The following CDH9 variants were observed in gnomAD, a reference collection of about 807,000 sequenced individuals.
CDH9 encodes the protein cadherin 9, also known as cadherin-9.
Under a neutral mutation model 70.9 loss-of-function variants are expected in CDH9, and 28 were observed. The ratio of observed to expected loss-of-function variants is 0.40; its 90% confidence interval spans 0.29 to 0.54. The LOEUF (loss-of-function observed/expected upper bound fraction) is 0.54. Among genes scored for constraint, CDH9 ranks in the 20% least tolerant of loss-of-function variants. The pLI, the probability that CDH9 is intolerant of heterozygous loss-of-function variation, is 0.59. For missense variants in CDH9, 874 were observed against 984.4 expected (o/e 0.89, Z 1.50); for synonymous variants, 409 against 343.1 (o/e 1.19, Z -2.12).
intron 8 of CDH9, 113 bp from the exon 9 acceptor site, chr5:26,890,070 T>C: frequency 2.2e-6 from 2 of 922,162 alleles, no homozygotes; most frequent in Non-Finnish European, 3.4e-6. Context: ...CTTTCTCAAT[T>C]GGGCTGCTGA....
intron 2 of CDH9, among the ~76,000 whole-genome samples, chr5:26,939,276 T>C (rs1251370591): frequency 1.3e-5 from 2 of 151,814 alleles, no homozygotes; most frequent in Non-Finnish European, 2.9e-5. Context: ...TTAATATATG[T>C]ATCAACTAGT....
chr5:26,921,293 T>C (rs1741239340), intron 2 of CDH9, among the ~76,000 whole-genome samples: 1 of 151,962 alleles, frequency 6.6e-6, no homozygotes, highest in South Asian at 2.1e-4. Context: ...TGTCAGAATA[T>C]AGCTTATAAG....
chr5:27,013,458 C>T lies in CDH9; in HGVS notation c.-50+25005G>A, dbSNP rs534089906. 7.2e-5 allele frequency among the ~76,000 whole-genome samples: 11 copies of T among 152,024 alleles called. No individual in the cohort carries two copies. In the South Asian group the frequency reaches 1.0e-3, roughly 14 times the overall value. On this transcript the variant is annotated intron_variant, in intron 1 of 11. Coordinates refer to ENST00000231021, the MANE Select transcript of CDH9 (RefSeq NM_016279.4). Reference sequence around the variant, plus strand: ...AAACAACCCTAGGTCTCCCTCTTTCCGAACATAGGATGAGGCTTCACCAGC... The same window carrying T: ...AAACAACCCTAGGTCTCCCTCTTTCTGAACATAGGATGAGGCTTCACCAGC...
At chr5:26,970,944 C>T (rs1673454835) in intron 2 of CDH9, among the ~76,000 whole-genome samples, 1 of 152,048 alleles carries the variant, frequency 6.6e-6, no homozygotes, top group South Asian at 2.1e-4. Context: ...ACTCTCATTT[C>T]CTCTAAATTT....
At chr5:26,907,256 T>G (rs1160024623) in intron 3 of CDH9, among the ~76,000 whole-genome samples, 1 of 152,052 alleles carries the variant, frequency 6.6e-6, no homozygotes. Flanking sequence ...TGCTTTTTAT[T>G]CTGGTATATT....
intron 1 of CDH9, among the ~76,000 whole-genome samples, chr5:27,018,993 T>G (rs1186830157): frequency 1.3e-5 from 2 of 152,018 alleles, no homozygotes; most frequent in Non-Finnish European, 2.9e-5. Context: ...TTATTATTAC[T>G]ATATTATTAT....
chr5:26,933,997 T>G (rs1408010903), intron 2 of CDH9, among the ~76,000 whole-genome samples: 4 of 152,152 alleles, frequency 2.6e-5, no homozygotes, highest in African/African-American at 9.6e-5. Flanking sequence ...TCAAAGTTCT[T>G]CAGGTTGTAT....
At chr5:26,925,393 G>A (rs999511277) in intron 2 of CDH9, among the ~76,000 whole-genome samples, 1 of 152,066 alleles carries the variant, frequency 6.6e-6, no homozygotes, top group African/African-American at 2.4e-5. Flanking sequence ...TTCTGATGGG[G>A]TTGTTTGTTT....
At chr5:26,893,519 G>A (rs1049019066) in intron 7 of CDH9, among the ~76,000 whole-genome samples, 6 of 151,928 alleles carry the variant, frequency 3.9e-5, no homozygotes, top group African/African-American at 1.5e-4. Flanking sequence ...TTTTCACATG[G>A]TGTTATGAAA....
At chr5:26,883,067 ATATATATATATATATATATATATATAT>A in intron 11 of CDH9, among the ~76,000 whole-genome samples, 1 of 126,018 alleles carries the variant, frequency 7.9e-6, no homozygotes, top group African/African-American at 3.0e-5. Flanking sequence ...ATATATATAT[ATATATATATATATATATATATATATAT>A]AAAACTGCAG....
chr5:26,901,811 T>A (rs971354021), intron 7 of CDH9, among the ~76,000 whole-genome samples: 1 of 151,830 alleles, frequency 6.6e-6, no homozygotes, highest in Non-Finnish European at 1.5e-5. Flanking sequence ...TTTAAAATGG[T>A]GAAAACTATT....
At chr5:26,921,962 G>T (rs1048111681) in intron 2 of CDH9, among the ~76,000 whole-genome samples, 1 of 150,654 alleles carries the variant, frequency 6.6e-6, no homozygotes, top group African/African-American at 2.4e-5. Context: ...TTAAAAGCGG[G>T]ATTGATTAAA....
At chr5:26,993,479 T>A (rs747500499) in intron 1 of CDH9, among the ~76,000 whole-genome samples, 1 of 152,012 alleles carries the variant, frequency 6.6e-6, no homozygotes, top group Non-Finnish European at 1.5e-5. Context: ...AGGCTATTCA[T>A]ATTGCAAAAA....
In CDH9 at chr5:26,902,706, C is replaced by T; in HGVS notation, c.1023G>A (p.Met341Ile). 6.4e-7 allele frequency: 1 copy of T among 1,559,908 alleles called. No homozygotes were observed. Among genetic ancestry groups the T allele is most frequent in the African/African-American group, 1.4e-5 (1 of 73,722 alleles). ...VKQNLDFENQ[M>I]LYTLRVDASN... ...TTGCATCCACTCTTAAAGTATAGAG[C>T]ATTTGATTTTCAAAATCTAAATTCT... The change falls in exon 7 of 12, where the codon ATG becomes ATA. Residue 341 changes from methionine (M) to isoleucine (I), a missense_variant. Met to Ile is a conservative substitution (Grantham distance 10). Transcript: ENST00000231021.
chr5:26,930,610 T>C (rs533800732), intron 2 of CDH9, among the ~76,000 whole-genome samples: 15 of 152,240 alleles, frequency 9.9e-5, no homozygotes, highest in African/African-American at 2.9e-4. Context: ...CTGTGATGGA[T>C]AGGTTTACTA....
rs76086824 is a variant in CDH9 at position 26,902,973 on chromosome 5, T to C, written c.1000-244A>G. 5.1e-4 allele frequency: 183 copies of C among 360,838 alleles called. 2 individuals carry two copies. The highest frequency in any genetic ancestry group is 3.6e-3 in the African/African-American group (175 of 47,998). The allele number at this position is 360,838 out of a possible 1,614,324, so 22.4% of individuals were successfully genotyped here. ...ATTGATTCTCACTTAGTAATATGCT[T>C]CATTTTTTTGGTGACAAGTAAATGA... On this transcript the variant is annotated intron_variant, in intron 6 of 11. Transcript: ENST00000231021.
intron 7 of CDH9, among the ~76,000 whole-genome samples, chr5:26,893,705 TTA>T (rs34855870): frequency 0.24 from 35,797 of 151,468 alleles, 4,868 homozygotes; most frequent in East Asian, 0.58. Flanking sequence ...TATTTTATTT[TTA>T]TTTTTGGAAG....
chr5:26,986,282 T>C (rs1452840098), intron 2 of CDH9, among the ~76,000 whole-genome samples: 1 of 151,970 alleles, frequency 6.6e-6, no homozygotes, highest in African/African-American at 2.4e-5. Flanking sequence ...TGGCAAAAAA[T>C]TCGCACATCC....
intron 2 of CDH9, among the ~76,000 whole-genome samples, chr5:26,982,778 G>A (rs111332496): frequency 0.017 from 2,534 of 151,962 alleles, 41 homozygotes; most frequent in Non-Finnish European, 0.024. Context: ...CGCCTCCTGG[G>A]TTCAAGTGAT....
Sources: allele counts gnomAD v4.1 joint callset (sites outside exome capture counted in the v4.1 genomes callset), GRCh38; gene constraint gnomAD v4.1.1; transcripts MANE v1.5; gene names NCBI Gene and HGNC (gene_info 2026-07-23, HGNC 2026-07-21).